GREB1: variants seen among roughly 807,000 people sequenced by gnomAD.
GREB1 encodes the protein growth regulating estrogen receptor binding 1.
Under a neutral mutation model 200.7 loss-of-function variants are expected in GREB1, and 106 were observed. The ratio of observed to expected loss-of-function variants is 0.53; its 90% CI spans 0.45 to 0.62. The LOEUF is 0.62. Ranked by LOEUF, GREB1 falls within the 20% of genes least tolerant of loss-of-function variation. GREB1 has a pLI of 0.00. For missense variants in GREB1, 2,243 were observed against 2,556.8 expected (o/e 0.88, Z 2.65); for synonymous variants, 1,132 against 1,092.4 (o/e 1.04, Z -0.72).
chr2:11,491,120 G>A lies in GREB1; in HGVS notation c.-159+8739G>A, dbSNP rs149090090. ...TCTCACTGGGGCTCTGATTTGCTGT[G>A]GTGTGGATTTTCTGTGGTTTAGATC... On this transcript the variant is annotated intron_variant, in intron 1 of 2. Coordinates refer to the GREB1 transcript ENST00000628795. Among the ~76,000 whole-genome samples the A allele has an allele frequency of 3.9e-5, 6 of 152,168 alleles. No homozygotes were observed. In the East Asian group the frequency reaches 1.2e-3, roughly 29 times the overall value.
In GREB1 at chr2:11,642,427, C is replaced by G. The variant is rs1178446540; in HGVS notation, c.*1973C>G. The G allele has an allele frequency of 6.6e-6, 1 of 152,062 alleles. No individual in the cohort carries two copies. Among genetic ancestry groups the G allele is most frequent in the Non-Finnish European group, 1.5e-5 (1 of 68,014 alleles). 9.4% of individuals were successfully genotyped at this position (152,062 alleles called of 1,614,324 possible). On this transcript the variant is annotated 3_prime_UTR_variant, in exon 33 of 33. Transcript: ENST00000381486. ...ACAGGCATGAGCCACTGCGCCTGGC[C>G]TCAGAATGCATTCTTACACATCTAT...
intron 1 of GREB1, among the ~76,000 whole-genome samples, chr2:11,538,675 T>TTCTC (rs1558510882): frequency 1.0e-5 from 1 of 97,422 alleles, no homozygotes; most frequent in Non-Finnish European, 2.2e-5. Flanking sequence ...CTTTCTTTCT[T>TTCTC]TCTTTCTTTC....
At chr2:11,490,976 C>T (rs552256590) in intron 1 of GREB1, among the ~76,000 whole-genome samples, 2 of 152,322 alleles carry the variant, frequency 1.3e-5, no homozygotes, top group East Asian at 1.9e-4. Flanking sequence ...CACCATTTTA[C>T]GTGTCTACCA....
Position 11,601,915 on chromosome 2 carries a change from A to G in GREB1, c.2530-491A>G, listed in dbSNP as rs187981686. Among the ~76,000 whole-genome samples, 1,157 of 152,322 alleles carry G rather than the reference A, an allele frequency of 7.6e-3. 55 individuals are homozygous for G. The highest frequency in any genetic ancestry group is 0.07 in the Admixed American group (1,066 of 15,304). On this transcript the variant is annotated intron_variant, in intron 16 of 32. Coordinates refer to ENST00000381486, the MANE Select transcript of GREB1 (RefSeq NM_014668.4). ...TGGCTCGGCCCTTAACCACTGTGCT[A>G]TTTAGGAGTAGAGTTTTCATGCCTT...
chr2:11,592,970 G>T lies in GREB1; in HGVS notation c.1540G>T (p.Asp514Tyr). The change falls in exon 11 of 33, where the codon GAC becomes TAC. Residue 514 changes from aspartate to tyrosine, a missense_variant. Physicochemically the swap from Asp to Tyr is radical, Grantham distance 160 (BLOSUM62 -3). This residue lies in a region of GREB1 where 1,178 missense variants were observed against 1,387.4 expected (regional missense o/e 0.85). Coordinates refer to ENST00000381486, the MANE Select transcript of GREB1 (RefSeq NM_014668.4). ...CAGCCTGGCCGCCAGCTCCTGCAAC[G>T]ACAGCGTGCACGTCATCGAGTGTGC... is the stretch of plus-strand genomic sequence containing the variant. ...LASLAASSCN[D>Y]SVHVIECAYS... 1.2e-6 allele frequency: 2 copies of T among 1,600,494 alleles called. No homozygotes were observed. Among genetic ancestry groups the T allele is most frequent in the Non-Finnish European group, 1.7e-6 (2 of 1,173,080 alleles).
At chr2:11,618,230 G>GCGACTCC in intron 21 of GREB1, 58 bp from the exon 22 acceptor site, 1 of 1,470,106 alleles carries the variant, frequency 6.8e-7, no homozygotes, top group South Asian at 1.4e-5. Flanking sequence ...CCTGGGATGG[G>GCGACTCC]TGACTCCTGG....
intron 17 of GREB1, among the ~76,000 whole-genome samples, chr2:11,603,567 G>A (rs903987504): frequency 6.6e-6 from 1 of 152,256 alleles, no homozygotes; most frequent in African/African-American, 2.4e-5. Context: ...GATGTGTCCA[G>A]TAGCTCGTGG....
intron 20 of GREB1, among the ~76,000 whole-genome samples, chr2:11,616,033 G>A (rs528280510): frequency 1.7e-3 from 262 of 152,324 alleles, no homozygotes; most frequent in Non-Finnish European, 3.2e-3. Flanking sequence ...TTCGAAGCAC[G>A]GCAGAGACTC....
At chr2:11,621,243 G>A (rs1000667804) in intron 23 of GREB1, among the ~76,000 whole-genome samples, 5 of 152,170 alleles carry the variant, frequency 3.3e-5, no homozygotes, top group Admixed American at 1.3e-4. Flanking sequence ...CCTTCCACAT[G>A]TGGAGCGCTG....
Position 11,629,815 on chromosome 2 carries a change from C to T in GREB1, c.4450-133C>T, listed in dbSNP as rs927170509. ...GTGTCTGCACTTTGCACTGGAGTCA[C>T]CCCGTGGGTTTCTTGTGCTGTAGGG... On this transcript the variant is annotated intron_variant, in intron 25 of 32. Coordinates refer to ENST00000381486, the MANE Select transcript of GREB1 (RefSeq NM_014668.4). This position sits in a 1 kb window ranked among gnomAD's most constrained non-coding sequence, Gnocchi z 5.2. The T allele has an allele frequency of 1.3e-5, 11 of 853,728 alleles. No homozygotes were observed. In the African/African-American group the frequency reaches 1.7e-4, roughly 13 times the overall value. 52.9% of individuals were successfully genotyped at this position (853,728 alleles called of 1,614,324 possible).
intron 32 of GREB1, 78 bp downstream of exon 32, chr2:11,638,887 G>T (rs1407028763): frequency 5.5e-6 from 8 of 1,444,402 alleles, no homozygotes; most frequent in Non-Finnish European, 7.6e-6. Context: ...GGGACCTTTG[G>T]TCCTAGTCCT....
At position 11,640,173 on chromosome 2, in the gene GREB1, C is replaced by T. The variant is rs189918831; in HGVS notation, c.5687-118C>T. 11 of 906,104 alleles carry T rather than the reference C, an allele frequency of 1.2e-5. No individual in the cohort carries two copies. The highest frequency in any genetic ancestry group is 2.7e-5 in the Admixed American group (1 of 36,784). 56.1% of individuals were successfully genotyped at this position (906,104 alleles called of 1,614,324 possible). A position where few individuals can be genotyped will look rare whatever the true frequency, so the allele number is the denominator to read the frequency against. On this transcript the variant is annotated intron_variant, in intron 32 of 32. Coordinates refer to ENST00000381486, the MANE Select transcript of GREB1 (RefSeq NM_014668.4). The surrounding 1 kb of genome is among the most constrained non-coding windows in gnomAD (Gnocchi z 4.6). Reference sequence around the variant, plus strand: ...AGAAGCAAGGGGCCGACTTGGATGCCGCTTCTGCCCTTCCCAACAGCGCCC... The same window carrying T: ...AGAAGCAAGGGGCCGACTTGGATGCTGCTTCTGCCCTTCCCAACAGCGCCC...
chr2:11,614,815 G>A (rs897332346), intron 19 of GREB1, among the ~76,000 whole-genome samples: 2 of 147,700 alleles, frequency 1.4e-5, no homozygotes, highest in African/African-American at 4.9e-5. Context: ...CGCCCGCCTC[G>A]GCCTCCCAAA....
chr2:11,631,275 T>C (rs1394240532), intron 26 of GREB1, among the ~76,000 whole-genome samples: 2 of 152,188 alleles, frequency 1.3e-5, no homozygotes, highest in African/African-American at 4.8e-5. Flanking sequence ...ACATAAAAGA[T>C]ATAACAACCC....
rs1378240738 is a variant in GREB1, at chr2:11,493,659, G to T, written c.-159+11278G>T. On this transcript the variant is annotated intron_variant, in intron 1 of 2. Coordinates refer to the GREB1 transcript ENST00000628795. This position sits in a 1 kb window ranked among gnomAD's most constrained non-coding sequence, Gnocchi z 4.6. ...TTATACAGTATGTTATACTGAGCCA[G>T]TATTAATGCAACCTTATGTTTTTGA... Among the ~76,000 whole-genome samples, 1 of 152,188 alleles carries T rather than the reference G, an allele frequency of 6.6e-6. No individual in the cohort carries two copies. The highest frequency in any genetic ancestry group is 1.5e-5 in the Non-Finnish European group (1 of 68,032).
intron 1 of GREB1, among the ~76,000 whole-genome samples, chr2:11,525,341 C>T (rs979560322): frequency 1.6e-4 from 24 of 151,892 alleles, no homozygotes; most frequent in Non-Finnish European, 3.2e-4. Flanking sequence ...CCCATCTCTA[C>T]TAAAAATATA....
chr2:11,524,380 T>A lies in GREB1; in HGVS notation c.-158-32077T>A, dbSNP rs73917243. ...GGTGACATGACAGAGGGAGGTGACA[T>A]GTCCATGACTCTTGAGGACAGGGCC... On this transcript the variant is annotated intron_variant, in intron 1 of 2. Coordinates refer to the GREB1 transcript ENST00000628795. 7.1e-3 allele frequency among the ~76,000 whole-genome samples: 1,088 copies of A among 152,258 alleles called. 21 individuals carry two copies. Among genetic ancestry groups the A allele is most frequent in the African/African-American group, 0.025 (1,031 of 41,560 alleles).
chr2:11,588,582 G>A (rs989677291), intron 9 of GREB1, 164 bp from the exon 10 acceptor site: 4 of 711,626 alleles, frequency 5.6e-6, no homozygotes, highest in Admixed American at 2.0e-5. Context: ...CCAGGAGGGT[G>A]AGCAGGTGCA....
chr2:11,580,413 GGCATGTGTTTGT>G lies in GREB1; in HGVS notation c.773-282_773-271del, dbSNP rs1402585803. ...ATGTTCCTGGGAGTGCATGTATATA[GGCATGTGTTTGT>G]GCATGTGTATGTGTGTACATGTTTG... On this transcript the variant is annotated intron_variant, in intron 6 of 32. Coordinates refer to ENST00000381486, the MANE Select transcript of GREB1 (RefSeq NM_014668.4). The surrounding 1 kb of genome is among the most constrained non-coding windows in gnomAD (Gnocchi z 4.5). Among the ~76,000 whole-genome samples, 1 of 152,144 alleles carries G rather than the reference GGCATGTGTTTGT, an allele frequency of 6.6e-6. No homozygotes were observed. Among genetic ancestry groups the G allele is most frequent in the Non-Finnish European group, 1.5e-5 (1 of 68,020 alleles).
Sources: gnomAD v4.1 joint callset for allele counts (sites outside exome capture counted in the v4.1 genomes callset) on GRCh38, gnomAD v4.1.1 for gene constraint, gnomAD v4.1.1 regional missense constraint, Gnocchi (gnomAD v3.1) non-coding constraint, MANE v1.5 for transcripts, NCBI Gene and HGNC (gene_info 2026-07-23, HGNC 2026-07-21) for gene names.